The following CACNB4 variants were observed in gnomAD, a reference collection of about 807,000 sequenced individuals.
The protein encoded by CACNB4 is voltage-dependent L-type calcium channel subunit beta-4.
Under a neutral mutation model 71.2 loss-of-function variants are expected in CACNB4, and 32 were observed. The ratio of observed to expected loss-of-function variants is 0.45; its 90% confidence interval spans 0.34 to 0.60. CACNB4 has a LOEUF of 0.60. CACNB4 is among the 20% of genes least tolerant of loss of function. CACNB4 has a pLI of 0.01. For synonymous variants in CACNB4, 231 were observed against 236.9 expected (o/e 0.97, Z 0.23); for missense variants, 464 against 647.9 (o/e 0.72, Z 3.08).
At chr2:151,996,679 T>C (rs1203551365) in intron 2 of CACNB4, among the ~76,000 whole-genome samples, 1 of 152,188 alleles carries the variant, frequency 6.6e-6, no homozygotes, top group Admixed American at 6.5e-5. Context: ...CTTTCCAATC[T>C]GGGCTGAGTA....
chr2:152,007,414 T>C (rs931365388), intron 2 of CACNB4, among the ~76,000 whole-genome samples: 1 of 152,224 alleles, frequency 6.6e-6, no homozygotes. Context: ...CTATTAGAAT[T>C]TGTGTCTCTG....
At chr2:151,973,795 AGGCCTGTTTG>A in intron 2 of CACNB4, 1 of 1,557,488 alleles carries the variant, frequency 6.4e-7, no homozygotes, top group Non-Finnish European at 8.7e-7. Context: ...TAAAGAGAAA[AGGCCTGTTTG>A]GGAGAACTGC....
chr2:151,839,098 A>T lies in CACNB4; in HGVS notation c.*21T>A, dbSNP rs923485249. 8.8e-6 allele frequency: 14 copies of T among 1,597,758 alleles called. No individual in the cohort carries two copies. The highest frequency in any genetic ancestry group is 1.2e-5 in the Non-Finnish European group (14 of 1,169,504). On this transcript the variant is annotated 3_prime_UTR_variant, in exon 14 of 14. Coordinates refer to ENST00000539935, the MANE Select transcript of CACNB4 (RefSeq NM_000726.5). ...GCTATGGCAAATTGTCAACAGATGA[A>T]TATTTTTTGTTTCATTAGACTCAAA...
At chr2:152,019,137 T>A (rs549994586) in intron 2 of CACNB4, among the ~76,000 whole-genome samples, 49 of 152,158 alleles carry the variant, frequency 3.2e-4, no homozygotes, top group Non-Finnish European at 6.5e-4. Context: ...AAGACCAGTA[T>A]TGCATTAGTG....
rs1002625016 is a variant in CACNB4 at position 151,835,156 on chromosome 2, A to C, written c.*3963T>G. ...TGGACTTTTACTCCTTTAGACTTAG[A>C]ACTAGATATTATAACAAGTTGCACA... On this transcript the variant is annotated 3_prime_UTR_variant, in exon 14 of 14. Transcript: ENST00000539935. 1.3e-5 allele frequency: 2 copies of C among 151,932 alleles called. No individual in the cohort carries two copies. The highest frequency in any genetic ancestry group is 4.8e-5 in the African/African-American group (2 of 41,440). 9.4% of individuals were successfully genotyped at this position (151,932 alleles called of 1,614,324 possible). A position where few individuals can be genotyped will look rare whatever the true frequency, so the allele number is the denominator to read the frequency against.
At chr2:151,932,441 T>C (rs1377543466) in intron 2 of CACNB4, among the ~76,000 whole-genome samples, 1 of 152,148 alleles carries the variant, frequency 6.6e-6, no homozygotes, top group African/African-American at 2.4e-5. Context: ...CTCGAGGTTA[T>C]AGACAATGCT....
Position 152,064,844 on chromosome 2 carries a change from T to C in CACNB4, c.147+33486A>G, listed in dbSNP as rs115734256. 1.2e-3 allele frequency among the ~76,000 whole-genome samples: 175 copies of C among 152,134 alleles called. 1 individual carries two copies. The highest frequency in any genetic ancestry group is 2.1e-3 in the Non-Finnish European group (146 of 68,014). On this transcript the variant is annotated intron_variant, in intron 2 of 13. Transcript: ENST00000539935. ...AAACTAGACCATAAAATCTAAGAAA[T>C]TCTGTCTAGATTGTCATAAAATCCA... is the stretch of plus-strand genomic sequence containing the variant.
At chr2:151,993,078 G>C (rs958958361) in intron 2 of CACNB4, among the ~76,000 whole-genome samples, 3 of 151,932 alleles carry the variant, frequency 2.0e-5, no homozygotes, top group African/African-American at 7.3e-5. Context: ...GTCTTTTTTG[G>C]TAGGTGTGGG....
chr2:151,916,154 A>G (rs1025650812), intron 2 of CACNB4, among the ~76,000 whole-genome samples: 10 of 152,140 alleles, frequency 6.6e-5, no homozygotes, highest in African/African-American at 2.2e-4. Context: ...GGTTTTTTCC[A>G]TGGGAGCCTC....
intron 2 of CACNB4, among the ~76,000 whole-genome samples, chr2:151,899,294 A>G (rs1023492888): frequency 6.6e-6 from 1 of 152,240 alleles, no homozygotes; most frequent in Non-Finnish European, 1.5e-5. Context: ...ATGGTCTTAG[A>G]TGAGGAAGAA....
intron 2 of CACNB4, among the ~76,000 whole-genome samples, chr2:151,938,348 T>C (rs2099863445): frequency 6.6e-6 from 1 of 152,204 alleles, no homozygotes. Context: ...GAATATGAAA[T>C]AGAACATTGT....
intron 2 of CACNB4, among the ~76,000 whole-genome samples, chr2:151,885,600 A>G (rs1490599367): frequency 1.3e-5 from 2 of 152,210 alleles, no homozygotes; most frequent in African/African-American, 4.8e-5. Flanking sequence ...ATGCACAATA[A>G]CCCATCTTGA....
rs2151508386 is a variant in CACNB4, at chr2:151,902,194, A to G, written c.148-18824T>C. ...TCACAGGCGCACGCCACCATGTATG[A>G]CTAACTTATTATTTTTTGTAGAGAC... On this transcript the variant is annotated intron_variant, in intron 2 of 13. Transcript: ENST00000539935. Among the ~76,000 whole-genome samples the G allele has an allele frequency of 2.0e-5, 3 of 152,124 alleles. No individual in the cohort carries two copies. In the South Asian group the frequency reaches 6.2e-4, roughly 32 times the overall value.
At chr2:151,885,813 A>T (rs760790151) in intron 2 of CACNB4, among the ~76,000 whole-genome samples, 5 of 152,224 alleles carry the variant, frequency 3.3e-5, no homozygotes, top group African/African-American at 4.8e-5. Context: ...AAAACGAGTA[A>T]GTGCAGGGTG....
chr2:151,902,030 A>G (rs1025413294), intron 2 of CACNB4, among the ~76,000 whole-genome samples: 2 of 92,208 alleles, frequency 2.2e-5, no homozygotes, highest in African/African-American at 6.8e-5. Context: ...ACACAACATC[A>G]CCTTTTTTTT....
chr2:151,991,515 G>A (rs1279523945), intron 2 of CACNB4, among the ~76,000 whole-genome samples: 1 of 152,132 alleles, frequency 6.6e-6, no homozygotes, highest in Non-Finnish European at 1.5e-5. Context: ...GTTTTGAACT[G>A]GGAGTAGCCA....
intron 2 of CACNB4, among the ~76,000 whole-genome samples, chr2:151,937,880 T>C (rs1210159758): frequency 6.6e-6 from 1 of 152,220 alleles, no homozygotes; most frequent in African/African-American, 2.4e-5. Flanking sequence ...ATTCCATCTA[T>C]ATAATAAAAG....
At chr2:151,990,662 A>C (rs184868853) in intron 2 of CACNB4, among the ~76,000 whole-genome samples, 1 of 152,338 alleles carries the variant, frequency 6.6e-6, no homozygotes, top group Admixed American at 6.5e-5. Flanking sequence ...CAGTGAACAC[A>C]TTCTGATCCC....
intron 13 of CACNB4, among the ~76,000 whole-genome samples, chr2:151,841,323 A>C (rs1019735694): frequency 5.3e-5 from 8 of 152,180 alleles, no homozygotes; most frequent in Admixed American, 2.6e-4. Flanking sequence ...TGGTAATTTC[A>C]ACATTTTGGG....
Sources: gnomAD v4.1 joint callset for allele counts (sites outside exome capture counted in the v4.1 genomes callset) on GRCh38, gnomAD v4.1.1 for gene constraint, MANE v1.5 for transcripts, NCBI Gene and HGNC (gene_info 2026-07-23, HGNC 2026-07-21) for gene names.